Variants in TMTC2 observed in about 807,000 individuals in gnomAD.
The protein encoded by TMTC2 is protein O-mannosyl-transferase TMTC2.
TMTC2 carries 43 observed loss-of-function variants against 82.4 expected under a neutral mutation model. The ratio of observed to expected loss-of-function variants is 0.52; its 90% CI spans 0.41 to 0.67. The LOEUF is 0.67. Ranked by LOEUF, TMTC2 falls within the 30% of genes least tolerant of loss-of-function variation. The pLI is 0.00. For synonymous variants in TMTC2, 408 were observed against 381.9 expected (o/e 1.07, Z -0.80); for missense variants, 919 against 1,012.4 (o/e 0.91, Z 1.25).
intron 11 of TMTC2, among the ~76,000 whole-genome samples, chr12:83,100,834 T>A (rs1884193756): frequency 1.3e-5 from 2 of 152,228 alleles, no homozygotes; most frequent in Admixed American, 1.3e-4. Flanking sequence ...TTATAAGACC[T>A]GATAAACACT....
At chr12:82,847,613 C>T (rs1870755644) in intron 1 of TMTC2, among the ~76,000 whole-genome samples, 1 of 152,086 alleles carries the variant, frequency 6.6e-6, no homozygotes. Flanking sequence ...TACTATGCAG[C>T]CATAACAAAG....
At chr12:83,024,978 G>T (rs2137411968) in intron 8 of TMTC2, among the ~76,000 whole-genome samples, 1 of 152,282 alleles carries the variant, frequency 6.6e-6, no homozygotes. Context: ...GATCACTTGA[G>T]GCCAGCAGTT....
At position 82,977,957 on chromosome 12, in the gene TMTC2, T is replaced by G. The variant is rs1264088156; in HGVS notation, c.1949-7968T>G. Among the ~76,000 whole-genome samples, 3 of 151,786 alleles carry G rather than the reference T, an allele frequency of 2.0e-5. No individual in the cohort carries two copies. In the South Asian group the frequency reaches 6.2e-4, roughly 31 times the overall value. On this transcript the variant is annotated intron_variant, in intron 7 of 11. Coordinates refer to ENST00000321196, the MANE Select transcript of TMTC2 (RefSeq NM_152588.3). The stretch of plus-strand genomic sequence containing the variant: ...TGGAAGGAACCTAGATGCTTAAAAC[T>G]AGCAAAATATTTTACTATATAATTG...
At chr12:82,727,155 A>G (rs1445803367) in intron 1 of TMTC2, among the ~76,000 whole-genome samples, 7 of 151,466 alleles carry the variant, frequency 4.6e-5, no homozygotes, top group Admixed American at 1.3e-4. Flanking sequence ...TCTTTCTCCC[A>G]TTATAGAAAA....
chr12:82,729,114 G>A (rs1874623089), intron 1 of TMTC2, among the ~76,000 whole-genome samples: 1 of 152,270 alleles, frequency 6.6e-6, no homozygotes, highest in Non-Finnish European at 1.5e-5. Flanking sequence ...GCTGGCGCAA[G>A]GCCCAGGACT....
Position 82,994,422 on chromosome 12 carries a change from C to G in TMTC2, c.2070+8376C>G, listed in dbSNP as rs1331328777. Among the ~76,000 whole-genome samples the G allele has an allele frequency of 6.0e-5, 9 of 149,194 alleles. No individual in the cohort carries two copies. In the South Asian group the frequency reaches 1.1e-3, roughly 17 times the overall value. ...CTGGGATTACAACAGGCATGAGCTA[C>G]CGTGCCCGTCTCACACATTTATTGT... On this transcript the variant is annotated intron_variant, in intron 8 of 11. Transcript: ENST00000321196.
chr12:82,986,760 A>G (rs977043366), intron 8 of TMTC2, among the ~76,000 whole-genome samples: 2 of 152,230 alleles, frequency 1.3e-5, no homozygotes, highest in Non-Finnish European at 2.9e-5. Context: ...GAGCATAAAA[A>G]ATTACTAGTA....
intron 1 of TMTC2, among the ~76,000 whole-genome samples, chr12:82,818,279 A>T (rs1157282072): frequency 2.0e-5 from 3 of 152,072 alleles, no homozygotes; most frequent in Non-Finnish European, 4.4e-5. Context: ...TATAAGAGTA[A>T]TTTCTTTTGT....
intron 1 of TMTC2, among the ~76,000 whole-genome samples, chr12:82,783,845 C>T (rs1174230854): frequency 3.9e-5 from 6 of 151,986 alleles, no homozygotes; most frequent in Admixed American, 3.9e-4. Context: ...AGCAATCAAC[C>T]TCAAATGGTT....
At chr12:82,745,088 A>G (rs1009693888) in intron 1 of TMTC2, among the ~76,000 whole-genome samples, 2 of 152,090 alleles carry the variant, frequency 1.3e-5, no homozygotes, top group African/African-American at 2.4e-5. Flanking sequence ...TGCTGGAAGG[A>G]AAAAAGCAGA....
intron 2 of TMTC2, among the ~76,000 whole-genome samples, chr12:82,862,088 A>T (rs1366217112): frequency 6.6e-6 from 1 of 152,148 alleles, no homozygotes; most frequent in Non-Finnish European, 1.5e-5. Flanking sequence ...CCTCTCACTA[A>T]ATGATTGTTT....
intron 1 of TMTC2, among the ~76,000 whole-genome samples, chr12:82,792,094 T>G (rs1292701871): frequency 2.0e-5 from 3 of 152,154 alleles, no homozygotes. Flanking sequence ...GGAAAGAGTG[T>G]GAACAGCCTT....
rs372404325 is a variant in TMTC2 at position 82,762,246 on chromosome 12, T to A, written c.83+74577T>A. 1.3e-4 allele frequency among the ~76,000 whole-genome samples: 20 copies of A among 152,164 alleles called. No individual in the cohort carries two copies. In the South Asian group the frequency reaches 3.9e-3, roughly 30 times the overall value. The stretch of plus-strand genomic sequence containing the variant: ...CCTCCCAAAGTGCTGGGATTACAGG[T>A]GTGAGCCACCACGCGTGGCCGACTG... On this transcript the variant is annotated intron_variant, in intron 1 of 11. Coordinates refer to ENST00000321196, the MANE Select transcript of TMTC2 (RefSeq NM_152588.3).
chr12:82,776,466 A>C (rs933859321), intron 1 of TMTC2, among the ~76,000 whole-genome samples: 33 of 151,986 alleles, frequency 2.2e-4, no homozygotes, highest in Non-Finnish European at 2.9e-5. Context: ...TATCATACTA[A>C]ACAAGCTTTA....
intron 1 of TMTC2, among the ~76,000 whole-genome samples, chr12:82,817,785 G>A (rs1868835940): frequency 6.6e-6 from 1 of 152,100 alleles, no homozygotes; most frequent in Non-Finnish European, 1.5e-5. Context: ...CTTGATAATT[G>A]TTGTCTTTTT....
At chr12:83,001,416 T>A (rs1300861864) in intron 8 of TMTC2, among the ~76,000 whole-genome samples, 1 of 151,842 alleles carries the variant, frequency 6.6e-6, no homozygotes, top group South Asian at 2.1e-4. Context: ...GGTGGGTGGG[T>A]CACCTCAGGT....
At chr12:82,967,884 A>G (rs1187318523) in intron 7 of TMTC2, among the ~76,000 whole-genome samples, 1 of 152,128 alleles carries the variant, frequency 6.6e-6, no homozygotes, top group East Asian at 1.9e-4. Flanking sequence ...AAATGAGATT[A>G]GACTATATAA....
At chr12:82,689,544 A>C (rs1016915704) in intron 1 of TMTC2, among the ~76,000 whole-genome samples, 1 of 152,242 alleles carries the variant, frequency 6.6e-6, no homozygotes, top group African/African-American at 2.4e-5. Context: ...CTAATCCTTA[A>C]GAAAATACAC....
intron 7 of TMTC2, among the ~76,000 whole-genome samples, chr12:82,976,141 T>C (rs1878663735): frequency 6.6e-6 from 1 of 152,160 alleles, no homozygotes; most frequent in Non-Finnish European, 1.5e-5. Flanking sequence ...GAGCATTTAA[T>C]AGAATTGGCT....
Sources: gnomAD v4.1 joint callset for allele counts (sites outside exome capture counted in the v4.1 genomes callset) on GRCh38, gnomAD v4.1.1 for gene constraint, MANE v1.5 for transcripts, NCBI Gene and HGNC (gene_info 2026-07-23, HGNC 2026-07-21) for gene names.